DCC: variants seen among roughly 807,000 people sequenced by gnomAD.
DCC encodes the protein netrin receptor DCC.
A neutral mutation model predicts 172.5 loss-of-function variants in DCC; 58 were observed. The ratio of observed to expected loss-of-function variants is 0.34; its 90% CI spans 0.27 to 0.42. DCC has a LOEUF of 0.42. Ranked by LOEUF, DCC falls within the 10% of genes least tolerant of loss-of-function variation. The pLI is 1.00. For synonymous variants in DCC, 709 were observed against 644.5 expected, an observed-to-expected ratio of 1.10 and a Z score of -1.52; for missense variants, 1,740 against 1,791.0, an observed-to-expected ratio of 0.97 and a Z score of 0.51.
chr18:53,379,327 G>A (rs1907545958), intron 15 of DCC, among the ~76,000 whole-genome samples: 1 of 152,268 alleles, frequency 6.6e-6, no homozygotes, highest in Non-Finnish European at 1.5e-5. Flanking sequence ...AGTGAGTGAA[G>A]TATATAATCT....
chr18:53,111,262 G>C (rs1010548514), intron 7 of DCC, among the ~76,000 whole-genome samples: 5 of 97,076 alleles, frequency 5.2e-5, no homozygotes, highest in African/African-American at 1.6e-4. Context: ...GGTGGGGGGA[G>C]GGGGGAGGGA....
intron 8 of DCC, among the ~76,000 whole-genome samples, chr18:53,166,448 G>A (rs1300786767): frequency 3.3e-5 from 5 of 152,092 alleles, no homozygotes; most frequent in Admixed American, 2.6e-4. Context: ...AGAAGGTTAA[G>A]ATGGCCCATC....
chr18:53,494,125 A>G (rs907072586), intron 26 of DCC, among the ~76,000 whole-genome samples: 11 of 152,234 alleles, frequency 7.2e-5, no homozygotes, highest in Middle Eastern at 3.4e-3. Context: ...GTTTCCATGT[A>G]GTTGTGTGGT....
At chr18:53,208,775 G>T (rs1471018274) in intron 11 of DCC, among the ~76,000 whole-genome samples, 1 of 152,066 alleles carries the variant, frequency 6.6e-6, no homozygotes, top group Non-Finnish European at 1.5e-5. Flanking sequence ...TGTCACCCAG[G>T]TTGGCATGCA....
At chr18:52,653,460 G>T (rs1018523170) in intron 1 of DCC, among the ~76,000 whole-genome samples, 5 of 152,098 alleles carry the variant, frequency 3.3e-5, no homozygotes, top group Non-Finnish European at 5.9e-5. Context: ...TTGAATTATT[G>T]ATCTTAGTAA....
At chr18:53,390,734 A>G (rs966958317) in intron 16 of DCC, among the ~76,000 whole-genome samples, 2 of 152,236 alleles carry the variant, frequency 1.3e-5, no homozygotes, top group Non-Finnish European at 2.9e-5. Context: ...TTGTAAAAAC[A>G]CACACATCAT....
chr18:52,460,921 T>C (rs138419972), intron 1 of DCC, among the ~76,000 whole-genome samples: 1,811 of 152,318 alleles, frequency 0.012, 64 homozygotes, highest in Admixed American at 0.067. Flanking sequence ...GTAGATTTTA[T>C]AAACACCGTA....
chr18:53,374,853 G>T (rs2058093675), intron 15 of DCC, among the ~76,000 whole-genome samples: 1 of 152,178 alleles, frequency 6.6e-6, no homozygotes, highest in South Asian at 2.1e-4. Context: ...AGTTAAAAAT[G>T]CAATCTGCAC....
chr18:52,425,523 T>C (rs1195850940), intron 1 of DCC, among the ~76,000 whole-genome samples: 1 of 152,164 alleles, frequency 6.6e-6, no homozygotes, highest in East Asian at 1.9e-4. Flanking sequence ...TATGTCCCAC[T>C]ACACATGCAT....
chr18:53,451,526 C>T (rs745875683), intron 23 of DCC, among the ~76,000 whole-genome samples: 1 of 152,272 alleles, frequency 6.6e-6, no homozygotes, highest in African/African-American at 2.4e-5. Context: ...CTATCTTAGG[C>T]TCTTCCATGA....
At chr18:53,075,348 G>A (rs1268801243) in intron 7 of DCC, among the ~76,000 whole-genome samples, 8 of 152,132 alleles carry the variant, frequency 5.3e-5, no homozygotes, top group African/African-American at 1.7e-4. Flanking sequence ...CGTGCTTCAG[G>A]TAGGAAGCCA....
chr18:52,856,165 A>G (rs1340139627), intron 2 of DCC, among the ~76,000 whole-genome samples: 1 of 152,210 alleles, frequency 6.6e-6, no homozygotes, highest in Non-Finnish European at 1.5e-5. Context: ...ATTTAAGTCA[A>G]TGTCTGTTAG....
chr18:52,470,677 T>A (rs1242019594), intron 1 of DCC, among the ~76,000 whole-genome samples: 1 of 152,130 alleles, frequency 6.6e-6, no homozygotes, highest in Non-Finnish European at 1.5e-5. Flanking sequence ...CCTGTACGAG[T>A]GTCCCCTTTT....
chr18:53,264,387 C>A (rs1034363028), intron 12 of DCC, among the ~76,000 whole-genome samples: 3 of 148,666 alleles, frequency 2.0e-5, no homozygotes, highest in African/African-American at 7.5e-5. Flanking sequence ...CTCTGGAGGC[C>A]GAGGCTTGAA....
intron 1 of DCC, among the ~76,000 whole-genome samples, chr18:52,451,801 G>T (rs950783559): frequency 2.0e-5 from 3 of 152,088 alleles, no homozygotes; most frequent in African/African-American, 7.2e-5. Flanking sequence ...GGTCCCTGGT[G>T]TCTTGGTTTA....
intron 1 of DCC, among the ~76,000 whole-genome samples, chr18:52,465,834 C>T (rs1988769688): frequency 1.3e-5 from 2 of 152,170 alleles, no homozygotes; most frequent in Non-Finnish European, 2.9e-5. Context: ...GAAACCTTAT[C>T]TCTAACTTAA....
At chr18:53,313,421 T>G (rs912553666) in intron 13 of DCC, among the ~76,000 whole-genome samples, 3 of 152,034 alleles carry the variant, frequency 2.0e-5, no homozygotes, top group African/African-American at 7.2e-5. Context: ...AATTTTTGTA[T>G]TTTTAGTAGA....
chr18:52,820,484 A>G (rs910093303), intron 2 of DCC, among the ~76,000 whole-genome samples: 6 of 150,012 alleles, frequency 4.0e-5, no homozygotes, highest in Non-Finnish European at 7.4e-5. Flanking sequence ...ACCTAGCCAT[A>G]CATTCATGTT....
At chr18:52,546,092 C>T (rs1294752402) in intron 1 of DCC, among the ~76,000 whole-genome samples, 1 of 152,160 alleles carries the variant, frequency 6.6e-6, no homozygotes, top group Non-Finnish European at 1.5e-5. Context: ...TTCCTACCCT[C>T]ATGTGGCTTG....
Sources: allele counts gnomAD v4.1 joint callset (sites outside exome capture counted in the v4.1 genomes callset), GRCh38; gene constraint gnomAD v4.1.1; transcripts MANE v1.5; gene names NCBI Gene and HGNC (gene_info 2026-07-23, HGNC 2026-07-21).